The following DOK6 variants were observed in gnomAD, a reference collection of about 807,000 sequenced individuals.
The protein encoded by DOK6 is downstream of tyrosine kinase 6.
A neutral mutation model predicts 44.0 loss-of-function variants in DOK6; 22 were observed. The ratio of observed to expected loss-of-function variants is 0.50; its 90% CI spans 0.36 to 0.71. The LOEUF (loss-of-function observed/expected upper bound fraction) is 0.71, where lower values mean the gene tolerates loss of function less well. Among genes scored for constraint, DOK6 ranks in the 30% least tolerant of loss-of-function variants. The pLI is 0.00. For synonymous variants in DOK6, 166 were observed against 145.5 expected (o/e 1.14, Z -1.01); for missense variants, 340 against 416.4 (o/e 0.82, Z 1.60).
intron 7 of DOK6, among the ~76,000 whole-genome samples, chr18:69,803,690 G>A (rs774613895): frequency 7.2e-5 from 11 of 152,138 alleles, no homozygotes; most frequent in Admixed American, 2.0e-4. Context: ...GTGAAACCCC[G>A]TCTCTACTAA....
chr18:69,597,792 A>C (rs1983780366), intron 2 of DOK6, among the ~76,000 whole-genome samples: 1 of 151,968 alleles, frequency 6.6e-6, no homozygotes, highest in Non-Finnish European at 1.5e-5. Context: ...CTGGAGACTC[A>C]AAGTTTTCAC....
At chr18:69,428,981 T>C (rs932676862) in intron 1 of DOK6, among the ~76,000 whole-genome samples, 1 of 152,204 alleles carries the variant, frequency 6.6e-6, no homozygotes, top group Non-Finnish European at 1.5e-5. Context: ...TTAGTGTCTG[T>C]TGCTTTTCAC....
intron 7 of DOK6, among the ~76,000 whole-genome samples, chr18:69,826,857 C>T (rs904574266): frequency 1.3e-4 from 20 of 152,034 alleles, no homozygotes; most frequent in Non-Finnish European, 2.8e-4. Context: ...CCTATCATAC[C>T]CACCCCTTCT....
At chr18:69,793,278 A>G (rs1980651701) in intron 7 of DOK6, among the ~76,000 whole-genome samples, 2 of 152,152 alleles carry the variant, frequency 1.3e-5, no homozygotes, top group Admixed American at 6.6e-5. Context: ...TTAATTTAGA[A>G]TAGCATCCAC....
At chr18:69,607,417 A>G (rs116969067) in intron 3 of DOK6, among the ~76,000 whole-genome samples, 40 of 152,342 alleles carry the variant, frequency 2.6e-4, no homozygotes, top group Non-Finnish European at 5.3e-4. Flanking sequence ...GGAAAAAGGT[A>G]AATATTCGAG....
chr18:69,795,924 G>C (rs1980731365), intron 7 of DOK6, among the ~76,000 whole-genome samples: 3 of 152,186 alleles, frequency 2.0e-5, no homozygotes, highest in Non-Finnish European at 4.4e-5. Flanking sequence ...ACCACGTAGG[G>C]AAAGAGCCAG....
At chr18:69,701,889 A>C (rs1025567490) in intron 5 of DOK6, among the ~76,000 whole-genome samples, 21 of 152,164 alleles carry the variant, frequency 1.4e-4, no homozygotes, top group African/African-American at 4.8e-4. Flanking sequence ...TTTATTCCTA[A>C]ACCTTCGTTG....
intron 3 of DOK6, among the ~76,000 whole-genome samples, chr18:69,652,940 C>T (rs183247395): frequency 6.6e-6 from 1 of 152,092 alleles, no homozygotes; most frequent in African/African-American, 2.4e-5. Context: ...ATTTTCAGAC[C>T]CATGTATATT....
At chr18:69,457,827 A>T (rs1030676047) in intron 1 of DOK6, among the ~76,000 whole-genome samples, 2 of 152,168 alleles carry the variant, frequency 1.3e-5, no homozygotes, top group African/African-American at 4.8e-5. Flanking sequence ...AGCATTTGGT[A>T]GTTCTCCAGC....
chr18:69,458,366 C>T (rs1979687412), intron 1 of DOK6, among the ~76,000 whole-genome samples: 1 of 152,142 alleles, frequency 6.6e-6, no homozygotes, highest in African/African-American at 2.4e-5. Flanking sequence ...TAATAGTCCT[C>T]AAAAGACTAG....
At chr18:69,499,195 G>A (rs981006379) in intron 1 of DOK6, among the ~76,000 whole-genome samples, 34 of 151,818 alleles carry the variant, frequency 2.2e-4, no homozygotes, top group Non-Finnish European at 4.1e-4. Context: ...TTATGCTTAA[G>A]GGTATATATA....
intron 1 of DOK6, among the ~76,000 whole-genome samples, chr18:69,441,629 C>A (rs957901876): frequency 2.6e-5 from 4 of 152,064 alleles, no homozygotes; most frequent in African/African-American, 9.7e-5. Context: ...TAATTATGTT[C>A]TTTGAGCCCA....
chr18:69,770,617 C>G (rs1979859524), intron 7 of DOK6, among the ~76,000 whole-genome samples: 1 of 152,026 alleles, frequency 6.6e-6, no homozygotes, highest in Non-Finnish European at 1.5e-5. Context: ...CGTATAACAG[C>G]CTTGCTCTTT....
rs111560381 is a variant in DOK6 at position 69,408,328 on chromosome 18, T to G, written c.66+7018T>G. Among the ~76,000 whole-genome samples, 1,286 of 152,120 alleles carry G rather than the reference T, an allele frequency of 8.5e-3. 17 individuals are homozygous for G. Among genetic ancestry groups the G allele is most frequent in the African/African-American group, 0.029 (1,207 of 41,490 alleles). Reference sequence around the variant, plus strand: ...CAGACAAAAATGCTACTTAGTGAAATAATTTATGTCACAATAAGGAAGTAC... The same window carrying G: ...CAGACAAAAATGCTACTTAGTGAAAGAATTTATGTCACAATAAGGAAGTAC... On this transcript the variant is annotated intron_variant, in intron 1 of 7. Transcript: ENST00000382713.
At chr18:69,576,563 T>C (rs1214736668) in intron 2 of DOK6, among the ~76,000 whole-genome samples, 1 of 152,196 alleles carries the variant, frequency 6.6e-6, no homozygotes, top group Admixed American at 6.5e-5. Context: ...TGAGTATTAA[T>C]GGTCTCATTT....
At chr18:69,583,597 T>C (rs2144611458) in intron 2 of DOK6, among the ~76,000 whole-genome samples, 1 of 152,162 alleles carries the variant, frequency 6.6e-6, no homozygotes, top group Non-Finnish European at 1.5e-5. Flanking sequence ...CTTTAAGAAA[T>C]ACTTCCCCAT....
At chr18:69,634,259 T>A (rs927858025) in intron 3 of DOK6, among the ~76,000 whole-genome samples, 8 of 152,174 alleles carry the variant, frequency 5.3e-5, no homozygotes, top group Non-Finnish European at 1.2e-4. Context: ...CCTCTTCACT[T>A]ACATATCATG....
At chr18:69,569,956 C>T (rs1432348873) in intron 2 of DOK6, among the ~76,000 whole-genome samples, 1 of 151,950 alleles carries the variant, frequency 6.6e-6, no homozygotes, top group African/African-American at 2.4e-5. Context: ...AACCATATAC[C>T]ACCTGTTCTC....
In DOK6 at chr18:69,450,069, T is replaced by G. The variant is rs1186373264; in HGVS notation, c.66+48759T>G. ...AACAAAGCTGGATGGAGAATGACTT[T>G]GACGAGCTGAGAGAAGAAGGCTTCG... On this transcript the variant is annotated intron_variant, in intron 1 of 7. Coordinates refer to ENST00000382713, the MANE Select transcript of DOK6 (RefSeq NM_152721.6). Among the ~76,000 whole-genome samples the G allele has an allele frequency of 4.6e-5, 6 of 131,260 alleles. No individual in the cohort carries two copies. The Admixed American group carries it at 5.0e-4, about 11-fold the overall frequency. The allele number at this position is 131,260 out of a possible 152,430, so 86.1% of individuals were successfully genotyped here.
Sources: allele counts gnomAD v4.1 joint callset (sites outside exome capture counted in the v4.1 genomes callset), GRCh38; gene constraint gnomAD v4.1.1; transcripts MANE v1.5; gene names NCBI Gene and HGNC (gene_info 2026-07-23, HGNC 2026-07-21).